The following SLC2A10 variants were observed in gnomAD, a reference collection of about 807,000 sequenced individuals.
SLC2A10 encodes solute carrier family 2, facilitated glucose transporter member 10.
Under a neutral mutation model 32.1 loss-of-function variants are expected in SLC2A10, and 25 were observed. The observed-to-expected ratio is 0.78, with a 90% CI of 0.57 to 1.09. SLC2A10 has a LOEUF of 1.09. Among genes scored for constraint, SLC2A10 ranks in the 50% least tolerant of loss-of-function variants. The pLI, the probability that SLC2A10 is intolerant of heterozygous loss-of-function variation, is 0.00. For missense variants in SLC2A10, 673 were observed against 686.5 expected, an observed-to-expected ratio of 0.98 and a Z score of 0.22; for synonymous variants, 332 against 309.6, an observed-to-expected ratio of 1.07 and a Z score of -0.76.
At position 46,725,128 on chromosome 20, in the gene SLC2A10, GT is replaced by G; in HGVS notation, c.93del (p.Ala32ProfsTer11). 1 of 1,614,188 alleles carries G rather than the reference GT, an allele frequency of 6.2e-7. No individual in the cohort carries two copies. Among genetic ancestry groups the G allele is most frequent in the South Asian group, 1.1e-5 (1 of 91,084 alleles). On this transcript the variant is annotated frameshift_variant, in exon 2 of 5. Transcript: ENST00000359271. LOFTEE classifies it high-confidence loss of function. The stretch of plus-strand genomic sequence containing the variant: ...GGTTATGAACTGGCAGTCATATCAG[GT>G]GCCCTGCTGCCACTGCAGCTTGACT... ...TFGYELAVIS[G>X]ALLPLQLDFG... is the part of the protein sequence containing the mutation.
chr20:46,730,307 G>C (rs1400117586), intron 4 of SLC2A10, among the ~76,000 whole-genome samples: 2 of 152,198 alleles, frequency 1.3e-5, no homozygotes, highest in African/African-American at 4.8e-5. Context: ...CATTTGATGG[G>C]GGAGGGAAGC....
At chr20:46,709,270 G>A (rs575415358), upstream of SLC2A10, among the ~76,000 whole-genome samples, 1 of 151,018 alleles carries the variant, frequency 6.6e-6, no homozygotes, top group African/African-American at 2.4e-5. Context: ...TGTGTGTGTT[G>A]TGTGTGTTGT....
At position 46,725,173 on chromosome 20, in the gene SLC2A10, A is replaced by G. The variant is rs756331165; in HGVS notation, c.137A>G (p.Glu46Gly). 10 of 1,614,106 alleles carry G rather than the reference A, an allele frequency of 6.2e-6. No individual in the cohort carries two copies. Among genetic ancestry groups the G allele is most frequent in the Non-Finnish European group, 8.5e-6 (10 of 1,180,006 alleles). Residue 46 changes from glutamate to glycine, a missense_variant, in exon 2 of 5, where the codon GAG becomes GGG. Glu to Gly is a moderately conservative substitution (Grantham distance 98). Coordinates refer to ENST00000359271, the MANE Select transcript of SLC2A10 (RefSeq NM_030777.4). ...LQLDFGLSCLEQEFLVGSLLL... is the reference protein window; with the variant it reads ...LQLDFGLSCLGQEFLVGSLLL... ...CTTGACTTTGGGCTAAGCTGCTTGG[A>G]GCAGGAGTTCCTGGTGGGCAGCCTG...
chr20:46,710,400 G>A lies in SLC2A10; in HGVS notation c.4+660G>A, dbSNP rs1978842070. The A allele has an allele frequency of 9.6e-6, 2 of 207,886 alleles. 1 individual carries two copies. The highest frequency in any genetic ancestry group is 3.8e-4 in the South Asian group (2 of 5,316). The allele number at this position is 207,886 out of a possible 1,614,324, so 12.9% of individuals were successfully genotyped here. A position where few individuals can be genotyped will look rare whatever the true frequency, so the allele number is the denominator to read the frequency against. On this transcript the variant is annotated intron_variant, in intron 1 of 4. Coordinates refer to ENST00000359271, the MANE Select transcript of SLC2A10 (RefSeq NM_030777.4). ...CATTGATATAGGGGTTAGAGCTTCA[G>A]CAATGAACAAAATAGACAATAAACC...
chr20:46,709,645 G>C, upstream of SLC2A10: 1 of 1,474,538 alleles, frequency 6.8e-7, no homozygotes, highest in Non-Finnish European at 9.1e-7. Flanking sequence ...GGGCCGGAAA[G>C]TTTGTCCGGC....
intron 1 of SLC2A10, among the ~76,000 whole-genome samples, chr20:46,721,476 T>G (rs1174759215): frequency 6.6e-6 from 1 of 151,508 alleles, no homozygotes; most frequent in Non-Finnish European, 1.5e-5. Flanking sequence ...CATTGCAGGT[T>G]TTTCCATGAG....
At chr20:46,717,959 C>T (rs560293600) in intron 1 of SLC2A10, among the ~76,000 whole-genome samples, 6 of 152,130 alleles carry the variant, frequency 3.9e-5, no homozygotes, top group Non-Finnish European at 7.4e-5. Context: ...TGGTGACTCA[C>T]GCCTGTAATC....
rs777604168 is a variant in SLC2A10 at position 46,725,912 on chromosome 20, C to A, written c.876C>A (p.Asp292Glu). The A allele has an allele frequency of 2.7e-5, 43 of 1,614,076 alleles. No individual in the cohort carries two copies. In the East Asian group the frequency reaches 9.4e-4, roughly 35 times the overall value. ...AATLTAMGLV[D>E]RAGRRALLLA... ...CCCTGACCGCCATGGGGCTGGTGGACCGTGCAGGCCGCAGGGCTCTGTTGC... is the reference window on the plus strand; with the variant it reads ...CCCTGACCGCCATGGGGCTGGTGGAACGTGCAGGCCGCAGGGCTCTGTTGC... Residue 292 changes from aspartate (D) to glutamate (E), a missense_variant, in exon 2 of 5, where the codon GAC becomes GAA. Physicochemically the swap from Asp to Glu is conservative, Grantham distance 45. Coordinates refer to ENST00000359271, the MANE Select transcript of SLC2A10 (RefSeq NM_030777.4).
In SLC2A10 at chr20:46,726,228, C is replaced by G; in HGVS notation, c.1192C>G (p.Pro398Ala). Residue 398 changes from proline to alanine, a missense_variant, in exon 2 of 5, where the codon CCC becomes GCC. Transcript: ENST00000359271. Reference sequence around the variant, plus strand: ...GGCCCTGAGCTCTGCCCTCCCTGGGCCCCCTCTGCCCGCTCGGGGGCATGC... The same window carrying G: ...GGCCCTGAGCTCTGCCCTCCCTGGGGCCCCTCTGCCCGCTCGGGGGCATGC... Reference protein sequence around the residue: ...RLALSSALPGPPLPARGHALL... With the variant: ...RLALSSALPGAPLPARGHALL... 1.9e-6 allele frequency: 3 copies of G among 1,613,872 alleles called. No homozygotes were observed. In the Middle Eastern group the frequency reaches 4.9e-4, roughly 266 times the overall value.
chr20:46,715,232 A>ATGTT (rs1353721912), intron 1 of SLC2A10, among the ~76,000 whole-genome samples: 1 of 97,620 alleles, frequency 1.0e-5, no homozygotes, highest in East Asian at 7.9e-4. Flanking sequence ...GTTTTATTTC[A>ATGTT]CGTTTGTTTG....
intron 1 of SLC2A10, among the ~76,000 whole-genome samples, chr20:46,717,849 G>C (rs1468657196): frequency 6.6e-6 from 1 of 152,186 alleles, no homozygotes; most frequent in Non-Finnish European, 1.5e-5. Context: ...TCTAAATGTA[G>C]GTGCCTCTGG....
At position 46,733,815 on chromosome 20, in the gene SLC2A10, A is replaced by G; in HGVS notation, c.1607A>G (p.Glu536Gly). 6.2e-7 allele frequency: 1 copy of G among 1,614,182 alleles called. No homozygotes were observed. Among genetic ancestry groups the G allele is most frequent in the Non-Finnish European group, 8.5e-7 (1 of 1,180,020 alleles). Residue 536 changes from glutamate (E) to glycine (G), a missense_variant, in exon 5 of 5, where the codon GAG (glutamate) becomes GGG (glycine). Glu to Gly is a moderately conservative substitution (Grantham distance 98). Transcript: ENST00000359271. The part of the protein sequence containing the change: ...NSTGIPYSRI[E>G]ISAAS Reference sequence around the variant, plus strand: ...ACTGGCATCCCGTACAGCCGCATCGAGATCTCTGCGGCCTCCTGAGGAATC... The same window carrying G: ...ACTGGCATCCCGTACAGCCGCATCGGGATCTCTGCGGCCTCCTGAGGAATC...
chr20:46,726,522 T>C (rs1386963761), intron 2 of SLC2A10, among the ~76,000 whole-genome samples, 198 bp downstream of exon 2: 1 of 152,226 alleles, frequency 6.6e-6, no homozygotes, highest in African/African-American at 2.4e-5. Context: ...TTGTAATTTG[T>C]ATTCCTTAAA....
chr20:46,714,499 T>C (rs1600657032), intron 1 of SLC2A10: 2 of 151,964 alleles, frequency 1.3e-5, no homozygotes, highest in Admixed American at 6.6e-5. Flanking sequence ...CTTGGGGAGG[T>C]GGCACAGGAC....
In SLC2A10 at chr20:46,709,690, C is replaced by T; in HGVS notation, c.-47C>T. ...GTTGGGGACTCCGGCGGGGGATGCGCGCCCGGCCCCTCAGCGCCCCCAGCA... is the reference window on the plus strand; with the variant it reads ...GTTGGGGACTCCGGCGGGGGATGCGTGCCCGGCCCCTCAGCGCCCCCAGCA... On this transcript the variant is annotated 5_prime_UTR_variant, in exon 1 of 5. Coordinates refer to ENST00000359271, the MANE Select transcript of SLC2A10 (RefSeq NM_030777.4). The T allele has an allele frequency of 6.5e-7, 1 of 1,535,848 alleles. No individual in the cohort carries two copies. The highest frequency in any genetic ancestry group is 8.8e-7 in the Non-Finnish European group (1 of 1,141,848).
intron 4 of SLC2A10, 136 bp downstream of exon 4, chr20:46,729,624 A>AGTTTTTT (rs1568988511): frequency 5.4e-6 from 2 of 372,340 alleles, no homozygotes; most frequent in Non-Finnish European, 4.4e-6. Flanking sequence ...GGGCACTATG[A>AGTTTTTT]GTTTTTTTTT....
intron 1 of SLC2A10, among the ~76,000 whole-genome samples, chr20:46,722,132 T>C (rs1003441174): frequency 6.7e-6 from 1 of 150,286 alleles, no homozygotes; most frequent in Non-Finnish European, 1.5e-5. Flanking sequence ...GGTTTCTCTT[T>C]AAAAAAAAAA....
At chr20:46,712,591 T>C (rs1412043651) in intron 1 of SLC2A10, among the ~76,000 whole-genome samples, 1 of 151,972 alleles carries the variant, frequency 6.6e-6, no homozygotes, top group Non-Finnish European at 1.5e-5. Flanking sequence ...TCTTAATGTG[T>C]TCTCCTTAAT....
chr20:46,715,369 C>G (rs1003669156), intron 1 of SLC2A10, among the ~76,000 whole-genome samples: 5 of 152,208 alleles, frequency 3.3e-5, no homozygotes, highest in African/African-American at 1.2e-4. Context: ...CCTTTCGCTG[C>G]AAGAGGAACC....
Sources: gnomAD v4.1 joint callset for allele counts (sites outside exome capture counted in the v4.1 genomes callset) on GRCh38, gnomAD v4.1.1 for gene constraint, MANE v1.5 for transcripts, NCBI Gene and HGNC (gene_info 2026-07-23, HGNC 2026-07-21) for gene names.